Variants in IKZF2 observed in about 807,000 individuals in gnomAD.
IKZF2 encodes the protein zinc finger protein Helios.
In IKZF2, 15 loss-of-function variants were observed where a neutral mutation model predicts 49.2. That is an observed-to-expected ratio of 0.30 (90% CI 0.20 to 0.47). The LOEUF is 0.47. Among genes scored for constraint, IKZF2 ranks in the 20% least tolerant of loss-of-function variants. IKZF2 has a pLI of 1.00. For synonymous variants in IKZF2, 227 were observed against 221.4 expected, an observed-to-expected ratio of 1.03 and a Z score of -0.23; for missense variants, 567 against 664.6, an observed-to-expected ratio of 0.85 and a Z score of 1.61.
intron 4 of IKZF2, among the ~76,000 whole-genome samples, chr2:213,076,250 T>C (rs1703251289): frequency 6.6e-6 from 1 of 151,494 alleles, no homozygotes; most frequent in African/African-American, 2.4e-5. Flanking sequence ...GAAAAAAAAA[T>C]AGAAAACTCT....
chr2:213,147,357 G>A, intron 4 of IKZF2: 1 of 476,088 alleles, frequency 2.1e-6, no homozygotes, highest in South Asian at 4.2e-5. Context: ...TTTTTTAACT[G>A]TGAAGAGTCC....
intron 4 of IKZF2, among the ~76,000 whole-genome samples, chr2:213,063,649 C>T (rs1206579684): frequency 6.6e-6 from 1 of 151,868 alleles, no homozygotes; most frequent in Non-Finnish European, 1.5e-5. Flanking sequence ...AGAATGACTG[C>T]ATTGTAGGAA....
intron 4 of IKZF2, among the ~76,000 whole-genome samples, chr2:213,137,848 A>G (rs2060730190): frequency 6.6e-6 from 1 of 152,116 alleles, no homozygotes; most frequent in Non-Finnish European, 1.5e-5. Context: ...TGTTAATTCA[A>G]CTGAAAACAC....
At chr2:213,100,216 C>A (rs1706492713) in intron 4 of IKZF2, among the ~76,000 whole-genome samples, 1 of 151,892 alleles carries the variant, frequency 6.6e-6, no homozygotes, top group African/African-American at 2.4e-5. Flanking sequence ...AAAATACAAG[C>A]CCCCTATTTT....
rs559017127 is a variant in IKZF2 at position 213,060,051 on chromosome 2, T to C, written c.140-2952A>G. Among the ~76,000 whole-genome samples the C allele has an allele frequency of 7.3e-4, 110 of 151,480 alleles. 2 individuals are homozygous for C. In the South Asian group the frequency reaches 0.022, roughly 30 times the overall value. On this transcript the variant is annotated intron_variant, in intron 4 of 8. Coordinates refer to ENST00000434687, the MANE Select transcript of IKZF2 (RefSeq NM_001387220.1). ...TATACGCATGTCATACATTAAATTT[T>C]GCATTTACATGATGCATATATACAA...
At chr2:213,018,273 AAAAT>A (rs1440513182) in intron 7 of IKZF2, among the ~76,000 whole-genome samples, 33 of 152,242 alleles carry the variant, frequency 2.2e-4, no homozygotes, top group African/African-American at 5.3e-4. Flanking sequence ...AAAACCCAAT[AAAAT>A]AAATAAGCTC....
intron 4 of IKZF2, among the ~76,000 whole-genome samples, chr2:213,104,181 C>T (rs956571047): frequency 6.6e-6 from 1 of 151,304 alleles, no homozygotes; most frequent in Non-Finnish European, 1.5e-5. Context: ...CTGAGGTTAC[C>T]GCACAAGTGT....
At chr2:213,151,719 G>A (rs1454254613), upstream of IKZF2, 1 of 146,858 alleles carries the variant, frequency 6.8e-6, no homozygotes, top group Non-Finnish European at 1.5e-5. Flanking sequence ...GCGGGCTGGC[G>A]GCGGCTGCGG....
At chr2:213,018,077 A>T (rs142207620) in intron 7 of IKZF2, among the ~76,000 whole-genome samples, 1 of 152,280 alleles carries the variant, frequency 6.6e-6, no homozygotes, top group East Asian at 1.9e-4. Context: ...ATAGATTTTA[A>T]GCTGGCTATC....
chr2:213,092,919 C>G (rs1705517523), intron 4 of IKZF2, among the ~76,000 whole-genome samples: 1 of 152,142 alleles, frequency 6.6e-6, no homozygotes, highest in Admixed American at 6.6e-5. Context: ...CGCTGGACAT[C>G]TTGTGTAAAC....
intron 6 of IKZF2, among the ~76,000 whole-genome samples, chr2:213,022,529 G>A (rs1363959787): frequency 1.3e-5 from 2 of 151,888 alleles, no homozygotes; most frequent in Non-Finnish European, 2.9e-5. Context: ...TTCGGGTAAG[G>A]GCAGAGAATT....
At chr2:213,058,606 G>C (rs1701389796) in intron 4 of IKZF2, among the ~76,000 whole-genome samples, 1 of 151,790 alleles carries the variant, frequency 6.6e-6, no homozygotes, top group South Asian at 2.1e-4. Context: ...CAACTATATT[G>C]AGTTTTACCC....
Position 213,007,620 on chromosome 2 carries a change from C to T in IKZF2, c.1321G>A (p.Val441Ile), listed in dbSNP as rs2125002122. ...KQSPAYMKEDVKALDTTKAPK... is the reference protein window; with the variant it reads ...KQSPAYMKEDIKALDTTKAPK... ...GCCTTGGTAGTATCCAAAGCTTTGA[C>T]ATCCTCCTTCATGTAAGCTGGGCTT... The change falls in exon 9 of 9, where the codon GTC (valine) becomes ATC (isoleucine). Residue 441 changes from valine (V) to isoleucine (I), a missense_variant. Val to Ile is a conservative substitution (Grantham distance 29, BLOSUM62 3). Transcript: ENST00000434687. The T allele has an allele frequency of 6.2e-7, 1 of 1,613,740 alleles. No individual in the cohort carries two copies. Among genetic ancestry groups the T allele is most frequent in the African/African-American group, 1.3e-5 (1 of 74,992 alleles).
intron 6 of IKZF2, among the ~76,000 whole-genome samples, chr2:213,036,677 C>G (rs1699062239): frequency 6.6e-6 from 1 of 152,032 alleles, no homozygotes; most frequent in Non-Finnish European, 1.5e-5. Context: ...TTTAAAAGGA[C>G]TCCACTCTGA....
intron 6 of IKZF2, among the ~76,000 whole-genome samples, chr2:213,039,112 G>C (rs1384229043): frequency 6.6e-6 from 1 of 151,748 alleles, no homozygotes; most frequent in Non-Finnish European, 1.5e-5. Context: ...ATGTTAGTTT[G>C]AAATTCTATT....
intron 4 of IKZF2, among the ~76,000 whole-genome samples, chr2:213,069,326 CTT>C (rs1702462494): frequency 6.6e-6 from 1 of 152,102 alleles, no homozygotes; most frequent in African/African-American, 2.4e-5. Flanking sequence ...AGCCTAAAGT[CTT>C]TGTTTTCTCA....
At chr2:213,014,908 G>A (rs1283829703) in intron 7 of IKZF2, 3 of 151,988 alleles carry the variant, frequency 2.0e-5, no homozygotes, top group Admixed American at 6.6e-5. Context: ...TGCCAGTACT[G>A]TTTGGAAACC....
chr2:213,143,774 A>C (rs2060952840), intron 4 of IKZF2, among the ~76,000 whole-genome samples: 1 of 151,972 alleles, frequency 6.6e-6, no homozygotes, highest in African/African-American at 2.4e-5. Context: ...TATTTCAAAA[A>C]GTGCATTAGA....
rs1028877474 is a variant in IKZF2, at chr2:213,006,467, CACATT to C, written c.*888_*892del. 2.3e-4 allele frequency: 35 copies of C among 152,508 alleles called. No individual in the cohort carries two copies. Among genetic ancestry groups the C allele is most frequent in the African/African-American group, 7.7e-4 (32 of 41,434 alleles). 9.4% of individuals were successfully genotyped at this position (152,508 alleles called of 1,614,324 possible). The stretch of plus-strand genomic sequence containing the variant: ...ACAAATACATATACTATGCTGCCAT[CACATT>C]ACAACTTTAAAAGAAAACCTCTCAA... On this transcript the variant is annotated 3_prime_UTR_variant, in exon 9 of 9. Coordinates refer to ENST00000434687, the MANE Select transcript of IKZF2 (RefSeq NM_001387220.1).
Sources: allele counts gnomAD v4.1 joint callset (sites outside exome capture counted in the v4.1 genomes callset), GRCh38; gene constraint gnomAD v4.1.1; transcripts MANE v1.5; gene names NCBI Gene and HGNC (gene_info 2026-07-23, HGNC 2026-07-21).